Variants in PTPRO observed in about 807,000 individuals in gnomAD.
PTPRO encodes the protein receptor-type tyrosine-protein phosphatase O.
PTPRO carries 62 observed loss-of-function variants against 145.2 expected under a neutral mutation model. The ratio of observed to expected loss-of-function variants is 0.43; its 90% CI spans 0.35 to 0.53. The LOEUF (loss-of-function observed/expected upper bound fraction) is 0.53, where lower values mean the gene tolerates loss of function less well. Among genes scored for constraint, PTPRO ranks in the 20% least tolerant of loss-of-function variants. The probability of loss-of-function intolerance (pLI) is 0.01; values close to 1 mark genes in which losing one functional copy is unlikely to be tolerated. For synonymous variants in PTPRO, 565 were observed against 514.7 expected (o/e 1.10, Z -1.32); for missense variants, 1,345 against 1,482.7 (o/e 0.91, Z 1.53).
intron 25 of PTPRO, among the ~76,000 whole-genome samples, chr12:15,594,620 T>A (rs1200362493): frequency 6.6e-6 from 1 of 152,008 alleles, no homozygotes; most frequent in African/African-American, 2.4e-5. Flanking sequence ...GTGGTAATCA[T>A]TTCATAACAT....
At chr12:15,568,907 T>C (rs532316946) in intron 18 of PTPRO, among the ~76,000 whole-genome samples, 1 of 152,316 alleles carries the variant, frequency 6.6e-6, no homozygotes, top group South Asian at 2.1e-4. Flanking sequence ...CTTATACTTG[T>C]AAAGCTGTTG....
At chr12:15,418,144 T>C (rs1374887552) in intron 1 of PTPRO, among the ~76,000 whole-genome samples, 2 of 151,828 alleles carry the variant, frequency 1.3e-5, no homozygotes, top group Non-Finnish European at 2.9e-5. Flanking sequence ...TGATTTCTAC[T>C]CAAGCATAGC....
chr12:15,501,622 C>A lies in PTPRO; in HGVS notation c.664C>A (p.Pro222Thr). Residue 222 changes from proline to threonine, a missense_variant and splice_region_variant, in exon 5 of 27, where the codon CCT becomes ACT. Physicochemically the swap from Pro to Thr is conservative, Grantham distance 38. This residue lies in a region of PTPRO where 1,130 missense variants were observed against 1,214.7 expected (regional missense o/e 0.93). Coordinates refer to ENST00000281171, the MANE Select transcript of PTPRO (RefSeq NM_030667.3). Reference sequence around the variant, plus strand: ...AATGAAAATTCTCTCTCTTACAGCCCCTTATCCACCTCAAAATATTTCCGT... The same window carrying A: ...AATGAAAATTCTCTCTCTTACAGCCACTTATCCACCTCAAAATATTTCCGT... ...SHEPKQHRTA[P>T]YPPQNISVRI... 1 of 1,612,070 alleles carries A rather than the reference C, an allele frequency of 6.2e-7. No individual in the cohort carries two copies. The highest frequency in any genetic ancestry group is 1.3e-5 in the African/African-American group (1 of 74,934).
intron 1 of PTPRO, among the ~76,000 whole-genome samples, chr12:15,363,569 G>A (rs1463403254): frequency 2.0e-5 from 3 of 151,954 alleles, no homozygotes; most frequent in African/African-American, 7.3e-5. Context: ...GGGAAGATAG[G>A]ACTTAATGGC....
intron 1 of PTPRO, among the ~76,000 whole-genome samples, chr12:15,467,445 C>T (rs1162469912): frequency 3.5e-5 from 5 of 141,364 alleles, no homozygotes; most frequent in Non-Finnish European, 7.8e-5. Context: ...TGTGTGTGTA[C>T]AAAATCAACA....
intron 1 of PTPRO, among the ~76,000 whole-genome samples, chr12:15,336,583 C>G (rs1488369567): frequency 6.6e-6 from 1 of 152,080 alleles, no homozygotes; most frequent in Non-Finnish European, 1.5e-5. Flanking sequence ...CACAACTAAA[C>G]ACTGTGCATA....
At chr12:15,486,059 C>T (rs926872560) in intron 2 of PTPRO, among the ~76,000 whole-genome samples, 2 of 152,146 alleles carry the variant, frequency 1.3e-5, no homozygotes, top group African/African-American at 2.4e-5. Context: ...GACCAGGTCA[C>T]GTTGATTGTT....
intron 23 of PTPRO, among the ~76,000 whole-genome samples, chr12:15,584,392 G>A (rs1288286395): frequency 1.3e-5 from 2 of 152,170 alleles, no homozygotes; most frequent in African/African-American, 4.8e-5. Context: ...CCCTAGGTTT[G>A]CACGTAGTAG....
At chr12:15,330,295 T>C (rs1257567904) in intron 1 of PTPRO, among the ~76,000 whole-genome samples, 2 of 152,122 alleles carry the variant, frequency 1.3e-5, no homozygotes, top group African/African-American at 2.4e-5. Flanking sequence ...TGTTGAAAAA[T>C]AGCTACATTG....
At chr12:15,377,843 T>A (rs1381997607) in intron 1 of PTPRO, among the ~76,000 whole-genome samples, 1 of 152,022 alleles carries the variant, frequency 6.6e-6, no homozygotes, top group Non-Finnish European at 1.5e-5. Context: ...CAGAGGGAAA[T>A]TTGTGGAATT....
intron 1 of PTPRO, among the ~76,000 whole-genome samples, chr12:15,391,942 T>A (rs963328214): frequency 1.3e-5 from 2 of 152,130 alleles, no homozygotes; most frequent in African/African-American, 2.4e-5. Flanking sequence ...AGCCATCGAC[T>A]GAGTGCATGT....
chr12:15,530,146 A>G (rs1253345149), intron 12 of PTPRO, among the ~76,000 whole-genome samples: 1 of 152,244 alleles, frequency 6.6e-6, no homozygotes, highest in Non-Finnish European at 1.5e-5. Context: ...TTACTATATA[A>G]TGATAAAGGG....
At chr12:15,563,055 G>A (rs1185804129) in intron 17 of PTPRO, among the ~76,000 whole-genome samples, 3 of 151,878 alleles carry the variant, frequency 2.0e-5, no homozygotes, top group Non-Finnish European at 1.5e-5. Flanking sequence ...TTGCTTTTTC[G>A]GAATGAATTG....
At chr12:15,428,887 A>T (rs1442436685) in intron 1 of PTPRO, among the ~76,000 whole-genome samples, 1 of 152,142 alleles carries the variant, frequency 6.6e-6, no homozygotes, top group Non-Finnish European at 1.5e-5. Flanking sequence ...GATTGCCAAA[A>T]AAGTGCACTC....
chr12:15,389,511 G>A (rs1939129956), intron 1 of PTPRO, among the ~76,000 whole-genome samples: 1 of 152,112 alleles, frequency 6.6e-6, no homozygotes, highest in African/African-American at 2.4e-5. Flanking sequence ...TTCTCTCTTT[G>A]TATTCAGGGG....
At chr12:15,558,876 T>G (rs1943705455) in intron 16 of PTPRO, among the ~76,000 whole-genome samples, 1 of 152,198 alleles carries the variant, frequency 6.6e-6, no homozygotes. Flanking sequence ...CATTTAAAAA[T>G]TTTAACATGA....
chr12:15,416,433 C>A (rs529835093), intron 1 of PTPRO, among the ~76,000 whole-genome samples: 2 of 151,186 alleles, frequency 1.3e-5, no homozygotes, highest in Non-Finnish European at 2.9e-5. Flanking sequence ...CATTCTCCTG[C>A]CTCAGCCTCC....
At chr12:15,462,813 T>C (rs1290620346) in intron 1 of PTPRO, among the ~76,000 whole-genome samples, 1 of 152,216 alleles carries the variant, frequency 6.6e-6, no homozygotes, top group African/African-American at 2.4e-5. Context: ...CTCTCTTTAA[T>C]TACAGCAGTC....
chr12:15,489,941 A>G (rs1941966392), intron 2 of PTPRO, among the ~76,000 whole-genome samples: 2 of 152,230 alleles, frequency 1.3e-5, no homozygotes, highest in Admixed American at 1.3e-4. Flanking sequence ...TAATGGAGGC[A>G]TACATAGCAT....
Sources: allele counts gnomAD v4.1 joint callset (sites outside exome capture counted in the v4.1 genomes callset), GRCh38; gene constraint gnomAD v4.1.1; regional missense constraint gnomAD v4.1.1; transcripts MANE v1.5; gene names NCBI Gene and HGNC (gene_info 2026-07-23, HGNC 2026-07-21).